ANK3: variants seen among roughly 807,000 people sequenced by gnomAD.
The protein encoded by ANK3 is ankyrin 3.
A neutral mutation model predicts 370.9 loss-of-function variants in ANK3; 57 were observed. The ratio of observed to expected loss-of-function variants is 0.15; its 90% CI spans 0.12 to 0.19. The LOEUF (loss-of-function observed/expected upper bound fraction) is 0.19. Ranked by LOEUF, ANK3 falls within the 10% of genes least tolerant of loss-of-function variation. The pLI is 1.00. For synonymous variants in ANK3, 1,929 were observed against 1,946.3 expected, an observed-to-expected ratio of 0.99 and a Z score of 0.23; for missense variants, 4,439 against 5,302.1, an observed-to-expected ratio of 0.84 and a Z score of 5.06.
chr10:60,382,146 C>T (rs544611931), intron 1 of ANK3, among the ~76,000 whole-genome samples: 2 of 152,218 alleles, frequency 1.3e-5, no homozygotes, highest in East Asian at 1.9e-4. Context: ...TTACAAATGC[C>T]TCAGTGTCTC....
At chr10:60,381,729 G>A (rs527991028) in intron 1 of ANK3, among the ~76,000 whole-genome samples, 28 of 152,232 alleles carry the variant, frequency 1.8e-4, no homozygotes, top group Admixed American at 1.3e-3. Context: ...CCTGGCAAAT[G>A]CATTTATTTG....
In ANK3 at chr10:60,389,440, C is replaced by T. The variant is rs2062893464; in HGVS notation, c.99G>A (p.Arg33=). 1.2e-6 allele frequency: 2 copies of T among 1,613,848 alleles called. No individual in the cohort carries two copies. The highest frequency in any genetic ancestry group is 8.5e-7 in the Non-Finnish European group (1 of 1,179,908). The change falls in exon 1 of 44, where the codon CGG becomes CGA. Residue 33 remains arginine (R), a synonymous_variant. Transcript: ENST00000280772. ...EKKRKHRKRS[R]DRKKKSDANA... ...ACATAGATACCTTTTTCTTCCGATC[C>T]CGGGACCGTTTGCGGTGTTTCCTTT...
intron 25 of ANK3, among the ~76,000 whole-genome samples, chr10:60,128,249 C>G (rs1400504560): frequency 6.6e-6 from 1 of 152,202 alleles, no homozygotes; most frequent in East Asian, 1.9e-4. Context: ...TTGCACTGAG[C>G]AATGCAGATG....
chr10:60,108,785 A>G (rs773807150), intron 27 of ANK3, 45 bp downstream of exon 27: 26 of 1,521,256 alleles, frequency 1.7e-5, no homozygotes, highest in African/African-American at 4.1e-5. Flanking sequence ...AGAAAATCAA[A>G]GATGCATTGT....
chr10:60,684,914 A>T, intron 1 of ANK3: 1 of 1,495,016 alleles, frequency 6.7e-7, no homozygotes, highest in Non-Finnish European at 9.2e-7. Flanking sequence ...AATAAACAAG[A>T]CTTGGAGAAC....
rs926207601 is a variant in ANK3, at chr10:60,211,377, C to T, written c.996+2035G>A. ...ACAGAAAAAGGAAGGAGAATGGAGG[C>T]GTTAAGGATGTGGTCTCTGGAGTTG... On this transcript the variant is annotated intron_variant, in intron 9 of 43. Transcript: ENST00000280772. Among the ~76,000 whole-genome samples, 9 of 152,108 alleles carry T rather than the reference C, an allele frequency of 5.9e-5. No homozygotes were observed. The East Asian group carries it at 1.7e-3, about 30-fold the overall frequency.
chr10:60,101,408 T>G (rs943872158), intron 28 of ANK3, among the ~76,000 whole-genome samples: 2 of 152,210 alleles, frequency 1.3e-5, no homozygotes, highest in Non-Finnish European at 2.9e-5. Flanking sequence ...TAAACATGTT[T>G]AATTAAACTT....
chr10:60,412,471 C>G (rs910635599), intron 2 of ANK3, among the ~76,000 whole-genome samples: 2 of 152,194 alleles, frequency 1.3e-5, no homozygotes, highest in Non-Finnish European at 1.5e-5. Flanking sequence ...CATTACACCA[C>G]TGGCTTTCCT....
chr10:60,373,465 A>C (rs1046967415), intron 1 of ANK3, among the ~76,000 whole-genome samples: 1 of 152,238 alleles, frequency 6.6e-6, no homozygotes, highest in Non-Finnish European at 1.5e-5. Flanking sequence ...GGTGTGCCCA[A>C]AGCTGAATTT....
intron 2 of ANK3, among the ~76,000 whole-genome samples, chr10:60,526,278 C>T (rs2076468530): frequency 1.3e-5 from 2 of 152,092 alleles, no homozygotes; most frequent in South Asian, 4.1e-4. Flanking sequence ...ATAGATTGTT[C>T]TCTGAGTACT....
At chr10:60,354,998 C>T (rs1349758882) in intron 1 of ANK3, among the ~76,000 whole-genome samples, 1 of 152,038 alleles carries the variant, frequency 6.6e-6, no homozygotes, top group Admixed American at 6.6e-5. Context: ...TGTTTCCTTG[C>T]TTAATCTAAG....
chr10:60,288,206 C>A (rs775780163), intron 1 of ANK3, among the ~76,000 whole-genome samples: 11 of 152,280 alleles, frequency 7.2e-5, no homozygotes, highest in Admixed American at 2.0e-4. Flanking sequence ...GACCAACAGA[C>A]GCACCTACTA....
intron 27 of ANK3, among the ~76,000 whole-genome samples, chr10:60,106,448 T>C (rs964494176): frequency 6.6e-6 from 1 of 152,158 alleles, no homozygotes; most frequent in African/African-American, 2.4e-5. Context: ...GACACAGTCA[T>C]TTCTTTAAAA....
chr10:60,296,035 G>A lies in ANK3; in HGVS notation c.115-16396C>T, dbSNP rs576416923. Among the ~76,000 whole-genome samples, 13 of 152,226 alleles carry A rather than the reference G, an allele frequency of 8.5e-5. No homozygotes were observed. The South Asian group carries it at 1.9e-3, about 22-fold the overall frequency. ...CATGATACAAAGGCCTAACACCTCC[G>A]AAGAGAACATTTAAGCAAAAGGCAA... On this transcript the variant is annotated intron_variant, in intron 1 of 43. Coordinates refer to ENST00000280772, the MANE Select transcript of ANK3 (RefSeq NM_020987.5).
At chr10:60,648,586 T>C (rs555659111) in intron 1 of ANK3, among the ~76,000 whole-genome samples, 32 of 149,856 alleles carry the variant, frequency 2.1e-4, no homozygotes, top group African/African-American at 7.3e-4. Context: ...CTGGCCAACA[T>C]AGTGAAATCC....
At position 60,637,515 on chromosome 10, in the gene ANK3, C is replaced by T. The variant is rs1330181049; in HGVS notation, c.58-22291G>A. 5.3e-5 allele frequency among the ~76,000 whole-genome samples: 8 copies of T among 152,270 alleles called. No homozygotes were observed. The South Asian group carries it at 1.4e-3, about 28-fold the overall frequency. On this transcript the variant is annotated intron_variant, in intron 1 of 43. Transcript: ENST00000373827. ...TCTTACTACTCTCAAATTCTTCGAA[C>T]TAATAATTCCACCTTAAGACATATA...
intron 30 of ANK3, 99 bp from the exon 31 acceptor site, chr10:60,085,352 G>A (rs2086392050): frequency 1.2e-6 from 1 of 832,354 alleles, no homozygotes; most frequent in Non-Finnish European, 1.9e-6. Context: ...GCCACAAACT[G>A]GCAAAACTTC....
chr10:60,157,291 C>T (rs188798695), intron 23 of ANK3, among the ~76,000 whole-genome samples: 214 of 150,142 alleles, frequency 1.4e-3, no homozygotes, highest in African/African-American at 4.9e-3. Flanking sequence ...CCTGCCTCAG[C>T]GTCCCAAAGT....
At chr10:60,246,268 A>G (rs1592391728) in intron 7 of ANK3, among the ~76,000 whole-genome samples, 1 of 148,728 alleles carries the variant, frequency 6.7e-6, no homozygotes, top group Non-Finnish European at 1.5e-5. Context: ...AAAAAAAAAA[A>G]AAAAAAAAAA....
Sources: allele counts gnomAD v4.1 joint callset (sites outside exome capture counted in the v4.1 genomes callset), GRCh38; gene constraint gnomAD v4.1.1; transcripts MANE v1.5; gene names NCBI Gene and HGNC (gene_info 2026-07-23, HGNC 2026-07-21).